VRK1: variants seen among roughly 807,000 people sequenced by gnomAD.
VRK1 encodes serine/threonine-protein kinase VRK1.
A neutral mutation model predicts 57.1 loss-of-function variants in VRK1; 33 were observed. That is an observed-to-expected ratio of 0.58 (90% CI 0.44 to 0.77). The LOEUF is 0.77. Among genes scored for constraint, VRK1 ranks in the 30% least tolerant of loss-of-function variants. The probability of loss-of-function intolerance (pLI) is 0.00; values close to 1 mark genes in which losing one functional copy is unlikely to be tolerated. For missense variants in VRK1, 413 were observed against 477.3 expected, an observed-to-expected ratio of 0.87 and a Z score of 1.25; for synonymous variants, 137 against 147.8, an observed-to-expected ratio of 0.93 and a Z score of 0.53.
At chr14:96,833,003 G>A (rs1432346008) in intron 1 of VRK1, among the ~76,000 whole-genome samples, 1 of 152,120 alleles carries the variant, frequency 6.6e-6, no homozygotes, top group African/African-American at 2.4e-5. Context: ...TTACTAGCAT[G>A]TCCCGGGAAC....
At chr14:96,812,100 C>T (rs1886228821) in intron 1 of VRK1, among the ~76,000 whole-genome samples, 1 of 152,196 alleles carries the variant, frequency 6.6e-6, no homozygotes, top group South Asian at 2.1e-4. Context: ...CCCTGTTGTA[C>T]ATGTGTTAAT....
intron 11 of VRK1, among the ~76,000 whole-genome samples, chr14:96,862,429 G>A (rs575103339): frequency 1.0e-3 from 158 of 151,836 alleles, no homozygotes; most frequent in Middle Eastern, 6.8e-3. Context: ...GTATTAAAAA[G>A]AAATTAATAA....
chr14:96,807,935 CTT>C (rs1182367669), intron 1 of VRK1, among the ~76,000 whole-genome samples: 1 of 152,012 alleles, frequency 6.6e-6, no homozygotes, highest in Non-Finnish European at 1.5e-5. Flanking sequence ...CTGTCTCTCT[CTT>C]TCTCTGTCTC....
At chr14:96,851,004 C>T (rs1887922799) in intron 5 of VRK1, among the ~76,000 whole-genome samples, 2 of 152,116 alleles carry the variant, frequency 1.3e-5, no homozygotes, top group South Asian at 4.1e-4. Flanking sequence ...TGTATATGTG[C>T]CCTGGTCTCA....
intron 10 of VRK1, among the ~76,000 whole-genome samples, chr14:96,857,771 A>T (rs1566711268): frequency 6.6e-6 from 1 of 152,166 alleles, no homozygotes; most frequent in Non-Finnish European, 1.5e-5. Flanking sequence ...TATGCTATTT[A>T]AAATTGCAAC....
chr14:96,799,442 T>C (rs565731172), intron 1 of VRK1, among the ~76,000 whole-genome samples: 1 of 152,332 alleles, frequency 6.6e-6, no homozygotes, highest in South Asian at 2.1e-4. Flanking sequence ...TATTTTTTTT[T>C]CTTAAAAGCA....
chr14:96,827,544 G>A (rs1283509949), intron 1 of VRK1, among the ~76,000 whole-genome samples: 1 of 151,956 alleles, frequency 6.6e-6, no homozygotes, highest in Non-Finnish European at 1.5e-5. Flanking sequence ...TAGCTCACTG[G>A]CCCTACAGAG....
chr14:96,880,640 T>C (rs1405584173), intron 12 of VRK1, among the ~76,000 whole-genome samples: 1 of 152,228 alleles, frequency 6.6e-6, no homozygotes, highest in African/African-American at 2.4e-5. Context: ...TCCAGGAGGC[T>C]ACTCATTTGG....
intron 1 of VRK1, among the ~76,000 whole-genome samples, chr14:96,830,501 T>C (rs1886962853): frequency 6.6e-6 from 1 of 152,198 alleles, no homozygotes; most frequent in African/African-American, 2.4e-5. Context: ...TTTTCAATTA[T>C]TCTGTCATCT....
At chr14:96,824,843 C>T (rs919651203) in intron 1 of VRK1, among the ~76,000 whole-genome samples, 25 of 151,644 alleles carry the variant, frequency 1.6e-4, no homozygotes, top group Admixed American at 1.3e-3. Context: ...TTAGTAGAGA[C>T]GGGATTTCAC....
intron 12 of VRK1, 65 bp downstream of exon 12, chr14:96,876,185 G>A: frequency 6.8e-7 from 1 of 1,472,796 alleles, no homozygotes; most frequent in Non-Finnish European, 9.5e-7. Flanking sequence ...CCTCCCATTA[G>A]ATGAGGGGTC....
Position 96,853,151 on chromosome 14 carries a change from C to T in VRK1, c.561C>T (p.Tyr187=), listed in dbSNP as rs2139796518. 6.2e-7 allele frequency: 1 copy of T among 1,613,484 alleles called. No individual in the cohort carries two copies. Among genetic ancestry groups the T allele is most frequent in the South Asian group, 1.1e-5 (1 of 91,076 alleles). ...DIKASNLLLN[Y]KNPDQVYLVD... is the part of the protein sequence containing the mutation. ...AGGCCTCAAATCTTCTTCTGAACTA[C>T]AAGAATCCTGACCAGGTAGTTTTAT... The change falls in exon 7 of 13, where the codon TAC becomes TAT. Residue 187 remains tyrosine (Y), a synonymous_variant. Transcript: ENST00000216639.
At chr14:96,816,562 G>T (rs1359966408) in intron 1 of VRK1, among the ~76,000 whole-genome samples, 1 of 152,152 alleles carries the variant, frequency 6.6e-6, no homozygotes, top group Non-Finnish European at 1.5e-5. Flanking sequence ...GCCCCATGGT[G>T]CCCTGTGGTG....
At chr14:96,857,603 G>C (rs1018386673) in intron 10 of VRK1, among the ~76,000 whole-genome samples, 1 of 152,176 alleles carries the variant, frequency 6.6e-6, no homozygotes, top group Non-Finnish European at 1.5e-5. Flanking sequence ...AAGGAGCAAG[G>C]ATGGGCCTAG....
intron 11 of VRK1, among the ~76,000 whole-genome samples, chr14:96,867,226 G>C (rs1888619874): frequency 1.3e-5 from 2 of 152,056 alleles, no homozygotes; most frequent in Admixed American, 1.3e-4. Context: ...TTTAAAGAAA[G>C]CTTCTGGATG....
At chr14:96,880,768 C>T (rs1177096485) in intron 12 of VRK1, among the ~76,000 whole-genome samples, 1 of 152,194 alleles carries the variant, frequency 6.6e-6, no homozygotes, top group Non-Finnish European at 1.5e-5. Flanking sequence ...CTTTTCATAA[C>T]ATGTGTGACC....
intron 1 of VRK1, among the ~76,000 whole-genome samples, chr14:96,803,603 C>T (rs1016456437): frequency 1.8e-4 from 28 of 152,184 alleles, no homozygotes; most frequent in African/African-American, 6.3e-4. Flanking sequence ...ATGTAGGGTT[C>T]GATACTCTCC....
At chr14:96,865,397 A>T (rs1177233023) in intron 11 of VRK1, among the ~76,000 whole-genome samples, 3 of 152,136 alleles carry the variant, frequency 2.0e-5, no homozygotes, top group African/African-American at 7.2e-5. Flanking sequence ...CCGCTTGTCC[A>T]TCTCTGTGCC....
At chr14:96,821,798 A>G (rs901277857) in intron 1 of VRK1, among the ~76,000 whole-genome samples, 49 of 152,132 alleles carry the variant, frequency 3.2e-4, no homozygotes, top group African/African-American at 1.2e-3. Flanking sequence ...GCTTCTTTAC[A>G]TCTGACCCCA....
Sources: gnomAD v4.1 joint callset for allele counts (sites outside exome capture counted in the v4.1 genomes callset) on GRCh38, gnomAD v4.1.1 for gene constraint, MANE v1.5 for transcripts, NCBI Gene and HGNC (gene_info 2026-07-23, HGNC 2026-07-21) for gene names.